Variants in AFF2 observed in about 807,000 individuals in gnomAD.
AFF2 encodes AF4/FMR2 family member 2.
A neutral mutation model predicts 76.9 loss-of-function variants in AFF2; 14 were observed. The observed-to-expected ratio is 0.18, with a 90% CI of 0.12 to 0.28. AFF2 has a LOEUF of 0.28. AFF2 is among the 10% of genes least tolerant of loss of function. AFF2 has a pLI of 1.00. For synonymous variants in AFF2, 398 were observed against 366.7 expected (o/e 1.09, Z -0.98); for missense variants, 868 against 1,001.1 (o/e 0.87, Z 1.79).
intron 3 of AFF2, among the ~76,000 whole-genome samples, chrX:148,757,444 A>T (rs888116984): frequency 1.8e-5 from 2 of 111,620 alleles, no homozygotes; most frequent in African/African-American, 3.3e-5. Context: ...CATATATATA[A>T]AAATACAATT....
At chrX:148,757,928 A>C (rs1290796708) in intron 3 of AFF2, among the ~76,000 whole-genome samples, 1 of 112,584 alleles carries the variant, frequency 8.9e-6, no homozygotes, top group African/African-American at 3.2e-5. Flanking sequence ...TTTTGTCAAA[A>C]CATGCAATGT....
chrX:148,668,094 G>T (rs2054378496), intron 3 of AFF2, among the ~76,000 whole-genome samples: 1 of 112,876 alleles, frequency 8.9e-6, no homozygotes, highest in Non-Finnish European at 1.9e-5. Flanking sequence ...AAACAAAGGG[G>T]CTACAGGCCC....
At chrX:148,730,927 T>C (rs1375884086) in intron 3 of AFF2, among the ~76,000 whole-genome samples, 1 of 111,789 alleles carries the variant, frequency 8.9e-6, no homozygotes, top group Non-Finnish European at 1.9e-5. Context: ...TATTCCAGGA[T>C]GAGGTGTTTG....
chrX:148,741,004 C>G (rs996757745), intron 3 of AFF2, among the ~76,000 whole-genome samples: 9 of 112,066 alleles, frequency 8.0e-5, no homozygotes, highest in Non-Finnish European at 1.5e-4. Context: ...TGTGAACTGT[C>G]TATGGGTCTC....
intron 7 of AFF2, among the ~76,000 whole-genome samples, chrX:148,866,483 A>C (rs1228974785): frequency 1.8e-5 from 2 of 112,713 alleles, no homozygotes; most frequent in Non-Finnish European, 3.8e-5. Context: ...CCTGCTGTGC[A>C]ATACATCTTT....
intron 1 of AFF2, among the ~76,000 whole-genome samples, chrX:148,511,118 C>A (rs1202709312): frequency 8.9e-6 from 1 of 111,948 alleles, no homozygotes; most frequent in African/African-American, 3.2e-5. Context: ...AAATCTCTCC[C>A]AAACAGCCCT....
chrX:148,875,601 A>T (rs1464191961), intron 7 of AFF2, among the ~76,000 whole-genome samples: 1 of 112,049 alleles, frequency 8.9e-6, no homozygotes, highest in Admixed American at 9.5e-5. Context: ...GTTTTAAAGT[A>T]TATGTTTAAA....
intron 3 of AFF2, among the ~76,000 whole-genome samples, chrX:148,781,105 G>A (rs782039752): frequency 4.0e-4 from 45 of 112,062 alleles, no homozygotes; most frequent in Non-Finnish European, 7.7e-4. Context: ...ATTGCTGCCC[G>A]TTCCTTCCTC....
intron 16 of AFF2, among the ~76,000 whole-genome samples, chrX:148,974,737 A>G (rs2072300689): frequency 8.9e-6 from 1 of 112,377 alleles, no homozygotes; most frequent in Admixed American, 9.4e-5. Flanking sequence ...CCAATCAGCC[A>G]TCTTTCTCTT....
intron 1 of AFF2, among the ~76,000 whole-genome samples, chrX:148,538,020 C>T (rs1251419160): frequency 1.8e-5 from 2 of 112,298 alleles, no homozygotes; most frequent in African/African-American, 6.5e-5. Context: ...TAGACTCAGA[C>T]GTGGGCCATC....
intron 3 of AFF2, among the ~76,000 whole-genome samples, chrX:148,770,574 T>C (rs2069574646): frequency 9.0e-6 from 1 of 111,417 alleles, no homozygotes; most frequent in Non-Finnish European, 1.9e-5. Flanking sequence ...TAATAAGTGA[T>C]ATTGTACAGC....
chrX:148,935,605 G>A (rs16994852), intron 9 of AFF2, among the ~76,000 whole-genome samples: 1,520 of 111,411 alleles, frequency 0.014, 27 homozygotes, highest in African/African-American at 0.047. Flanking sequence ...ACCCAACTTC[G>A]TGATCCTTGG....
At chrX:148,895,589 G>A (rs1461988680) in intron 8 of AFF2, among the ~76,000 whole-genome samples, 1 of 108,801 alleles carries the variant, frequency 9.2e-6, no homozygotes, top group African/African-American at 3.4e-5. Flanking sequence ...GTGTGTGTGT[G>A]TGTGTGTGTA....
intron 1 of AFF2, among the ~76,000 whole-genome samples, chrX:148,595,789 A>G: frequency 8.9e-6 from 1 of 112,198 alleles, no homozygotes; most frequent in Middle Eastern, 4.7e-3. Flanking sequence ...TCCAGTATGT[A>G]GTAGGGAAGA....
At chrX:148,534,878 T>C (rs782292898) in intron 1 of AFF2, among the ~76,000 whole-genome samples, 1 of 112,101 alleles carries the variant, frequency 8.9e-6, no homozygotes, top group South Asian at 3.7e-4. Flanking sequence ...CATTTCTAAA[T>C]CACATATCCA....
chrX:148,871,080 T>TG (rs1298535304), intron 7 of AFF2, among the ~76,000 whole-genome samples: 1 of 110,813 alleles, frequency 9.0e-6, no homozygotes, highest in Non-Finnish European at 1.9e-5. Flanking sequence ...GGGGAGCGGG[T>TG]GGGGGGCAGT....
chrX:148,983,293 A>C (rs1420581556), intron 19 of AFF2, among the ~76,000 whole-genome samples: 1 of 112,362 alleles, frequency 8.9e-6, no homozygotes, highest in Non-Finnish European at 1.9e-5. Flanking sequence ...AAGAGAATGA[A>C]GAGAATGGGC....
At position 148,815,098 on chromosome X, in the gene AFF2, T is replaced by C. The variant is rs1259140846; in HGVS notation, c.1086+5178T>C. Among the ~76,000 whole-genome samples the C allele has an allele frequency of 2.7e-5, 3 of 112,220 alleles. No individual in the cohort carries two copies. The East Asian group carries it at 8.4e-4, about 31-fold the overall frequency. On this transcript the variant is annotated intron_variant, in intron 4 of 20. Coordinates refer to ENST00000370460, the MANE Select transcript of AFF2 (RefSeq NM_002025.4). ...CTTCTGGAATGTTTCAGAAAGCATG[T>C]ATCTTATTTGGATGTGGACTTTTAA...
chrX:148,773,689 A>AGAAAGAAAGAAG (rs1569555314), intron 3 of AFF2, among the ~76,000 whole-genome samples: 56 of 52,294 alleles, frequency 1.1e-3, no homozygotes, highest in South Asian at 1.6e-3. Context: ...AAGGAAGGAA[A>AGAAAGAAAGAAG]GAAAGAAAGA....
Sources: allele counts gnomAD v4.1 joint callset (sites outside exome capture counted in the v4.1 genomes callset), GRCh38; gene constraint gnomAD v4.1.1; transcripts MANE v1.5; gene names NCBI Gene and HGNC (gene_info 2026-07-23, HGNC 2026-07-21).